CAMTA1: variants seen among roughly 807,000 people sequenced by gnomAD.
CAMTA1 encodes the protein calmodulin binding transcription activator 1.
A neutral mutation model predicts 170.9 loss-of-function variants in CAMTA1; 27 were observed. The ratio of observed to expected loss-of-function variants is 0.16; its 90% CI spans 0.12 to 0.22. The LOEUF is 0.22. Among genes scored for constraint, CAMTA1 ranks in the 10% least tolerant of loss-of-function variants. The probability of loss-of-function intolerance (pLI) is 1.00; values close to 1 mark genes in which losing one functional copy is unlikely to be tolerated. For synonymous variants in CAMTA1, 833 were observed against 891.5 expected (o/e 0.93, Z 1.17); for missense variants, 1,619 against 2,217.2 (o/e 0.73, Z 5.42).
At chr1:7,595,787 G>C (rs2095395000) in intron 6 of CAMTA1, among the ~76,000 whole-genome samples, 1 of 152,256 alleles carries the variant, frequency 6.6e-6, no homozygotes, top group African/African-American at 2.4e-5. Flanking sequence ...AGAGATCTGA[G>C]TGTTGAGGTC....
intron 5 of CAMTA1, among the ~76,000 whole-genome samples, chr1:7,298,461 C>T (rs900988457): frequency 6.6e-5 from 10 of 152,090 alleles, no homozygotes; most frequent in Non-Finnish European, 1.2e-4. Context: ...TGAATAGAAA[C>T]GGGACCCTTA....
chr1:7,313,973 A>C (rs1233323997), intron 5 of CAMTA1, among the ~76,000 whole-genome samples: 1 of 152,188 alleles, frequency 6.6e-6, no homozygotes, highest in Non-Finnish European at 1.5e-5. Context: ...TTTTGAAGAC[A>C]GTTTTGCATC....
chr1:7,575,921 G>A (rs1193525325), intron 6 of CAMTA1, among the ~76,000 whole-genome samples: 7 of 152,192 alleles, frequency 4.6e-5, no homozygotes, highest in African/African-American at 1.7e-4. Flanking sequence ...AGACGTCAGG[G>A]AGGGAGGTGG....
chr1:7,224,360 C>T lies in CAMTA1; in HGVS notation c.303-25131C>T, dbSNP rs74890148. Reference sequence around the variant, plus strand: ...TGCACCGCTCTGCAGGCTCTCGTCCCAGTTGGCAAGGGCGCCACAGCTGGA... The same window carrying T: ...TGCACCGCTCTGCAGGCTCTCGTCCTAGTTGGCAAGGGCGCCACAGCTGGA... On this transcript the variant is annotated intron_variant, in intron 4 of 22. Coordinates refer to ENST00000303635, the MANE Select transcript of CAMTA1 (RefSeq NM_015215.4). The surrounding 1 kb of genome is among the most constrained non-coding windows in gnomAD (Gnocchi z 5.2). Among the ~76,000 whole-genome samples the T allele has an allele frequency of 6.6e-6, 1 of 152,186 alleles. No individual in the cohort carries two copies. Among genetic ancestry groups the T allele is most frequent in the Non-Finnish European group, 1.5e-5 (1 of 68,040 alleles).
At chr1:6,788,941 G>T (rs1388532824) in intron 1 of CAMTA1, among the ~76,000 whole-genome samples, 8 of 152,140 alleles carry the variant, frequency 5.3e-5, no homozygotes, top group Non-Finnish European at 1.2e-4. Context: ...AGACTAGACG[G>T]GTTCTCTGAA....
rs367685534 is a variant in CAMTA1 at position 7,096,409 on chromosome 1, G to A, written c.302+5038G>A. Reference sequence around the variant, plus strand: ...GACTCCCCGACACCATGGTCTCACCGTCAAGTCTCTGTGGATCATTCCCCA... The same window carrying A: ...GACTCCCCGACACCATGGTCTCACCATCAAGTCTCTGTGGATCATTCCCCA... On this transcript the variant is annotated intron_variant, in intron 4 of 22. Transcript: ENST00000303635. Among the ~76,000 whole-genome samples, 40 of 152,204 alleles carry A rather than the reference G, an allele frequency of 2.6e-4. No individual in the cohort carries two copies. In the South Asian group the frequency reaches 6.6e-3, roughly 25 times the overall value.
At chr1:7,161,813 G>A (rs1277893102) in intron 4 of CAMTA1, among the ~76,000 whole-genome samples, 1 of 152,200 alleles carries the variant, frequency 6.6e-6, no homozygotes, top group Non-Finnish European at 1.5e-5. Context: ...TGAAGGACGG[G>A]CAAGGGTCTC....
chr1:6,826,386 C>T (rs1647108824), intron 3 of CAMTA1, among the ~76,000 whole-genome samples: 1 of 152,144 alleles, frequency 6.6e-6, no homozygotes, highest in African/African-American at 2.4e-5. Context: ...GTTTAGAGGC[C>T]TGCTGTTTAA....
intron 3 of CAMTA1, among the ~76,000 whole-genome samples, chr1:7,079,939 A>G (rs1268528334): frequency 6.6e-6 from 1 of 152,244 alleles, no homozygotes; most frequent in Non-Finnish European, 1.5e-5. Context: ...AATTCCGTAT[A>G]GAGTAAATTA....
chr1:7,230,261 TGA>T (rs1662489737), intron 4 of CAMTA1, among the ~76,000 whole-genome samples: 2 of 152,078 alleles, frequency 1.3e-5, no homozygotes, highest in African/African-American at 4.8e-5. Context: ...CTTAGCAATT[TGA>T]GAGAGCTCTG....
In CAMTA1 at chr1:7,655,106, A is replaced by ACACACACC. The variant is rs1553235626; in HGVS notation, c.665-6619_665-6612dup. On this transcript the variant is annotated intron_variant, in intron 7 of 22. Coordinates refer to ENST00000303635, the MANE Select transcript of CAMTA1 (RefSeq NM_015215.4). ...CACCCACCTATACACACACACCTATACACACACCTATACACACACCTCTAT... is the reference window on the plus strand; with the variant it reads ...CACCCACCTATACACACACACCTATACACACACCCACACACCTATACACACACCTCTAT... Among the ~76,000 whole-genome samples, 489 of 103,616 alleles carry ACACACACC rather than the reference A, an allele frequency of 4.7e-3. 18 individuals carry two copies. The highest frequency in any genetic ancestry group is 0.019 in the African/African-American group (472 of 24,208). The allele number at this position is 103,616 out of a possible 152,430, so 68.0% of individuals were successfully genotyped here. A position where few individuals can be genotyped will look rare whatever the true frequency, so the allele number is the denominator to read the frequency against.
At chr1:6,953,861 T>C (rs1243290619) in intron 3 of CAMTA1, among the ~76,000 whole-genome samples, 1 of 152,056 alleles carries the variant, frequency 6.6e-6, no homozygotes, top group Non-Finnish European at 1.5e-5. Context: ...GGGGTGGAAG[T>C]CCGTGAAACG....
At chr1:7,657,398 G>T (rs562980244) in intron 7 of CAMTA1, among the ~76,000 whole-genome samples, 18 of 152,318 alleles carry the variant, frequency 1.2e-4, no homozygotes, top group African/African-American at 4.1e-4. Flanking sequence ...GGTACAGTGA[G>T]CAGGAGGGGA....
chr1:7,761,902 G>A (rs2096979373), intron 22 of CAMTA1, among the ~76,000 whole-genome samples: 1 of 151,806 alleles, frequency 6.6e-6, no homozygotes, highest in Admixed American at 6.6e-5. Context: ...TGTAATCCCA[G>A]CACTTTTGGG....
chr1:7,170,624 T>C (rs1320628013), intron 4 of CAMTA1, among the ~76,000 whole-genome samples: 1 of 152,174 alleles, frequency 6.6e-6, no homozygotes, highest in African/African-American at 2.4e-5. Context: ...TTCATCCATG[T>C]CCCTGGAAAG....
At chr1:7,672,284 C>G (rs1481909642) in intron 10 of CAMTA1, among the ~76,000 whole-genome samples, 1 of 151,998 alleles carries the variant, frequency 6.6e-6, no homozygotes, top group East Asian at 1.9e-4. Flanking sequence ...AGGTTCCACC[C>G]AAGGTGGTCC....
chr1:6,809,613 G>A (rs972196634), intron 1 of CAMTA1, among the ~76,000 whole-genome samples: 1 of 152,038 alleles, frequency 6.6e-6, no homozygotes, highest in Non-Finnish European at 1.5e-5. Flanking sequence ...ACCAATGAAT[G>A]AATCAGTTCA....
At chr1:6,845,838 G>A (rs1174101170) in intron 3 of CAMTA1, among the ~76,000 whole-genome samples, 1 of 152,192 alleles carries the variant, frequency 6.6e-6, no homozygotes, top group Non-Finnish European at 1.5e-5. Flanking sequence ...GTATTAGTCC[G>A]TTCTCATGCT....
rs541906351 is a variant in CAMTA1, at chr1:6,918,585, T to A, written c.234+93375T>A. On this transcript the variant is annotated intron_variant, in intron 3 of 22. Coordinates refer to ENST00000303635, the MANE Select transcript of CAMTA1 (RefSeq NM_015215.4). This position sits in a 1 kb window ranked among gnomAD's most constrained non-coding sequence, Gnocchi z 4.0. ...GTATTTATCTGGCATTGGGAAACCA[T>A]CAACGCCAGCCTGCCTTGCCGACAG... Among the ~76,000 whole-genome samples the A allele has an allele frequency of 2.0e-5, 3 of 152,330 alleles. No individual in the cohort carries two copies. The South Asian group carries it at 6.2e-4, about 32-fold the overall frequency.
Sources: allele counts gnomAD v4.1 joint callset (sites outside exome capture counted in the v4.1 genomes callset), GRCh38; gene constraint gnomAD v4.1.1; non-coding constraint Gnocchi (gnomAD v3.1); transcripts MANE v1.5; gene names NCBI Gene and HGNC (gene_info 2026-07-23, HGNC 2026-07-21).